Variants in ANKRD62 observed in about 807,000 individuals in gnomAD.
ANKRD62 encodes the protein ankyrin repeat domain-containing protein 62.
In ANKRD62, 61 loss-of-function variants were observed where a neutral mutation model predicts 98.8. The observed-to-expected ratio is 0.62, with a 90% CI of 0.50 to 0.76. ANKRD62 has a LOEUF of 0.76. Among genes scored for constraint, ANKRD62 ranks in the 30% least tolerant of loss-of-function variants. The pLI, the probability that ANKRD62 is intolerant of heterozygous loss-of-function variation, is 0.00. For synonymous variants in ANKRD62, 341 were observed against 367.9 expected, an observed-to-expected ratio of 0.93 and a Z score of 0.84; for missense variants, 933 against 1,082.9, an observed-to-expected ratio of 0.86 and a Z score of 1.94.
downstream of ANKRD62, among the ~76,000 whole-genome samples, chr18:12,131,123 G>A (rs1271009002): frequency 2.0e-5 from 3 of 152,148 alleles, no homozygotes; most frequent in Non-Finnish European, 4.4e-5. Flanking sequence ...GTTTCAAATT[G>A]TACAGCATTT....
the ANKRD62 span, among the ~76,000 whole-genome samples, chr18:12,140,952 G>T: frequency 6.6e-6 from 1 of 152,240 alleles, no homozygotes; most frequent in African/African-American, 2.4e-5. Context: ...GCCCCCAGAG[G>T]TGGAGCCTAC....
chr18:12,165,247 A>C, the ANKRD62 span, among the ~76,000 whole-genome samples: 3 of 151,956 alleles, frequency 2.0e-5, no homozygotes, highest in Non-Finnish European at 2.9e-5. Flanking sequence ...GTGTCTTTTT[A>C]TTGGAGAATT....
intron 8 of ANKRD62, among the ~76,000 whole-genome samples, chr18:12,111,686 A>G (rs1019549633): frequency 2.0e-5 from 3 of 152,214 alleles, no homozygotes; most frequent in Admixed American, 2.0e-4. Context: ...AATCTTCTTA[A>G]GCTGATACAA....
the ANKRD62 span, among the ~76,000 whole-genome samples, chr18:12,168,633 C>T: frequency 2.5e-4 from 38 of 152,250 alleles, no homozygotes; most frequent in Non-Finnish European, 4.0e-4. Context: ...TCTTTCATTC[C>T]ATGTGGACTT....
At chr18:12,099,553 T>G (rs1909254135) in intron 5 of ANKRD62, 62 bp from the exon 6 acceptor site, 2 of 1,037,838 alleles carry the variant, frequency 1.9e-6, no homozygotes, top group South Asian at 4.0e-5. Context: ...TTAATGTATT[T>G]GGTAAAGTTT....
the ANKRD62 span, among the ~76,000 whole-genome samples, chr18:12,166,070 T>C: frequency 6.6e-6 from 1 of 152,202 alleles, no homozygotes; most frequent in Admixed American, 6.5e-5. Flanking sequence ...ATCCTTTCTT[T>C]ATTCTTGACC....
the ANKRD62 span, among the ~76,000 whole-genome samples, chr18:12,136,378 G>C: frequency 2.6e-5 from 4 of 152,100 alleles, no homozygotes; most frequent in East Asian, 1.9e-4. Context: ...ATTTCTGAGA[G>C]CTCTGTTCTT....
At chr18:12,139,594 C>T in the ANKRD62 span, among the ~76,000 whole-genome samples, 1 of 151,880 alleles carries the variant, frequency 6.6e-6, no homozygotes, top group South Asian at 2.1e-4. Flanking sequence ...TGCAGTGAGC[C>T]AAGACCACGC....
chr18:12,170,410 G>A, the ANKRD62 span, among the ~76,000 whole-genome samples: 4 of 152,292 alleles, frequency 2.6e-5, no homozygotes, highest in East Asian at 7.7e-4. Context: ...TCAGAAGCAG[G>A]TTGTTCAGTT....
At chr18:12,133,845 G>A (rs1160210875), downstream of ANKRD62, among the ~76,000 whole-genome samples, 1 of 151,280 alleles carries the variant, frequency 6.6e-6, no homozygotes, top group African/African-American at 2.4e-5. Context: ...TTAAAATTTT[G>A]TTTTATCAGC....
the ANKRD62 span, among the ~76,000 whole-genome samples, chr18:12,156,504 T>G: frequency 2.0e-5 from 3 of 152,050 alleles, no homozygotes; most frequent in African/African-American, 7.2e-5. Flanking sequence ...GGACGTTGAT[T>G]TAGTGGGTAA....
At chr18:12,170,788 G>T in the ANKRD62 span, among the ~76,000 whole-genome samples, 1 of 152,104 alleles carries the variant, frequency 6.6e-6, no homozygotes, top group East Asian at 1.9e-4. Context: ...GGTCTCTAAG[G>T]ACTTGCCTTA....
chr18:12,181,377 A>G, the ANKRD62 span, among the ~76,000 whole-genome samples: 20 of 152,370 alleles, frequency 1.3e-4, no homozygotes, highest in Admixed American at 1.0e-3. Flanking sequence ...AACATTCACC[A>G]TATATTTACA....
Position 12,095,162 on chromosome 18 carries a change from T to G in ANKRD62, c.219-9T>G. ...TACAATTGCCTAAAGCGACCTCTCA[T>G]TCTCACAGGACTGCTCTACTTTTGG... On this transcript the variant is annotated splice_polypyrimidine_tract_variant and intron_variant, in intron 1 of 13. Coordinates refer to ENST00000587848, the MANE Select transcript of ANKRD62 (RefSeq NM_001277333.2). The G allele has an allele frequency of 6.5e-7, 1 of 1,535,548 alleles. No homozygotes were observed. Among genetic ancestry groups the G allele is most frequent in the Non-Finnish European group, 8.7e-7 (1 of 1,146,068 alleles).
At position 12,095,206 on chromosome 18, in the gene ANKRD62, C is replaced by A; in HGVS notation, c.254C>A (p.Pro85Gln). The change falls in exon 2 of 14, where the codon CCA becomes CAA. Residue 85 changes from proline to glutamine, a missense_variant. Pro to Gln is a moderately conservative substitution (Grantham distance 76). Coordinates refer to ENST00000587848, the MANE Select transcript of ANKRD62 (RefSeq NM_001277333.2). ...CTTTTGGCGTGTGCCCATGGCCGTC[C>A]AGGAGTGGTAGCTGACCTGGTGGCC... The part of the protein sequence containing the change: ...ALLLACAHGR[P>Q]GVVADLVARK... The A allele has an allele frequency of 6.5e-7, 1 of 1,537,024 alleles. No individual in the cohort carries two copies.
Position 12,103,360 on chromosome 18 carries a change from A to G in ANKRD62, c.891+132A>G, listed in dbSNP as rs2143901947. 7.8e-6 allele frequency: 4 copies of G among 515,594 alleles called. 1 individual carries two copies. In the South Asian group the frequency reaches 3.8e-4, roughly 49 times the overall value. 31.9% of individuals were successfully genotyped at this position (515,594 alleles called of 1,614,324 possible). Reference sequence around the variant, plus strand: ...AATAGTTAATTTTAATAACATTTTAACTGTTTATAAAATTTAAAGTGTTCT... The same window carrying G: ...AATAGTTAATTTTAATAACATTTTAGCTGTTTATAAAATTTAAAGTGTTCT... On this transcript the variant is annotated intron_variant, in intron 7 of 13. Coordinates refer to ENST00000587848, the MANE Select transcript of ANKRD62 (RefSeq NM_001277333.2).
At chr18:12,152,630 G>T in the ANKRD62 span, among the ~76,000 whole-genome samples, 2 of 152,138 alleles carry the variant, frequency 1.3e-5, no homozygotes, top group Non-Finnish European at 2.9e-5. Context: ...AGATCATACT[G>T]AATGGGCAAA....
intron 8 of ANKRD62, among the ~76,000 whole-genome samples, chr18:12,109,859 G>T (rs753629676): frequency 6.7e-6 from 1 of 149,784 alleles, no homozygotes; most frequent in Non-Finnish European, 1.5e-5. Flanking sequence ...ATGAATAGGT[G>T]TCACTCTGTC....
At chr18:12,139,738 CT>C in the ANKRD62 span, among the ~76,000 whole-genome samples, 1 of 152,228 alleles carries the variant, frequency 6.6e-6, no homozygotes, top group African/African-American at 2.4e-5. Flanking sequence ...ATGGGCTTCC[CT>C]TTGTGGGTAA....
Sources: allele counts gnomAD v4.1 joint callset (sites outside exome capture counted in the v4.1 genomes callset), GRCh38; gene constraint gnomAD v4.1.1; transcripts MANE v1.5; gene names NCBI Gene and HGNC (gene_info 2026-07-23, HGNC 2026-07-21).